The following LRP6 variants were observed in gnomAD, a reference collection of about 807,000 sequenced individuals.
LRP6 encodes the protein LDL receptor related protein 6, also known as low-density lipoprotein receptor-related protein 6.
A neutral mutation model predicts 184.1 loss-of-function variants in LRP6; 43 were observed. The observed-to-expected ratio is 0.23, with a 90% CI of 0.18 to 0.30. The LOEUF is 0.30. Ranked by LOEUF, LRP6 falls within the 10% of genes least tolerant of loss-of-function variation. The pLI, the probability that LRP6 is intolerant of heterozygous loss-of-function variation, is 1.00. For synonymous variants in LRP6, 719 were observed against 684.9 expected (o/e 1.05, Z -0.78); for missense variants, 1,571 against 2,005.3 (o/e 0.78, Z 4.14).
chr12:12,138,026 C>G (rs182504990), intron 16 of LRP6, among the ~76,000 whole-genome samples: 137 of 151,648 alleles, frequency 9.0e-4, no homozygotes, highest in Middle Eastern at 3.4e-3. Flanking sequence ...AAAAAATTAG[C>G]GAGGCATGGT....
chr12:12,175,925 T>C (rs886785062), intron 7 of LRP6, among the ~76,000 whole-genome samples: 2 of 151,682 alleles, frequency 1.3e-5, no homozygotes, highest in Non-Finnish European at 2.9e-5. Context: ...ATGGCAAAAA[T>C]GCTTTAAACC....
chr12:12,170,953 G>A (rs1863020279), intron 7 of LRP6, among the ~76,000 whole-genome samples: 1 of 151,932 alleles, frequency 6.6e-6, no homozygotes, highest in African/African-American at 2.4e-5. Context: ...ATTTATTTTA[G>A]GCTATGTCAA....
chr12:12,263,543 TC>T (rs1273872078), intron 1 of LRP6, among the ~76,000 whole-genome samples: 1 of 88,904 alleles, frequency 1.1e-5, no homozygotes, highest in Non-Finnish European at 2.2e-5. Flanking sequence ...AGAGCAAGAA[TC>T]CGTCTCAAAA....
chr12:12,169,926 G>T (rs1440614081), intron 7 of LRP6, among the ~76,000 whole-genome samples: 1 of 152,106 alleles, frequency 6.6e-6, no homozygotes, highest in African/African-American at 2.4e-5. Context: ...ATCTGGTGTA[G>T]TTTTTACAAT....
chr12:12,180,078 T>C (rs934779007), intron 6 of LRP6, 97 bp from the exon 7 acceptor site: 1 of 959,094 alleles, frequency 1.0e-6, no homozygotes, highest in African/African-American at 1.6e-5. Context: ...TACACTGGTA[T>C]CATCAGTTAA....
intron 15 of LRP6, among the ~76,000 whole-genome samples, chr12:12,140,383 G>A (rs1949911749): frequency 1.3e-5 from 2 of 151,576 alleles, no homozygotes; most frequent in South Asian, 2.1e-4. Flanking sequence ...ACAAAGAGAT[G>A]GATAATAGGT....
In LRP6 at chr12:12,240,262, C is replaced by T. The variant is rs558511504; in HGVS notation, c.449+4000G>A. ...GCCTAAATGTAACTGGCTACATTTT[C>T]CACTTTCCATACAAAAAGAATCTTT... On this transcript the variant is annotated intron_variant, in intron 2 of 22. Coordinates refer to ENST00000261349, the MANE Select transcript of LRP6 (RefSeq NM_002336.3). Among the ~76,000 whole-genome samples the T allele has an allele frequency of 9.2e-5, 14 of 152,276 alleles. No homozygotes were observed. In the South Asian group the frequency reaches 2.9e-3, roughly 32 times the overall value.
chr12:12,183,907 G>C, intron 5 of LRP6, 73 bp downstream of exon 5: 1 of 1,411,096 alleles, frequency 7.1e-7, no homozygotes, highest in East Asian at 2.3e-5. Context: ...CTAGAGAGCT[G>C]ATTATAGAGA....
At chr12:12,252,532 G>C (rs1009627467) in intron 1 of LRP6, among the ~76,000 whole-genome samples, 1 of 152,154 alleles carries the variant, frequency 6.6e-6, no homozygotes, top group South Asian at 2.1e-4. Context: ...AAGGTATAAA[G>C]CTCCTAGAAA....
chr12:12,252,272 A>T (rs118070442), intron 1 of LRP6, among the ~76,000 whole-genome samples: 1 of 152,222 alleles, frequency 6.6e-6, no homozygotes, highest in African/African-American at 2.4e-5. Context: ...ATTTAATCAA[A>T]TGTTCAAACC....
chr12:12,250,411 T>G (rs1027130341), intron 1 of LRP6, among the ~76,000 whole-genome samples: 1 of 152,074 alleles, frequency 6.6e-6, no homozygotes, highest in African/African-American at 2.4e-5. Context: ...CCTTACCTAC[T>G]CTGTAACCCT....
chr12:12,151,118 T>A (rs1950075424), intron 12 of LRP6, 80 bp from the exon 13 acceptor site: 9 of 1,229,596 alleles, frequency 7.3e-6, no homozygotes, highest in Admixed American at 3.9e-5. Context: ...CAGCCTGTTG[T>A]ATGTATTTCA....
intron 2 of LRP6, among the ~76,000 whole-genome samples, chr12:12,219,523 T>A (rs949652000): frequency 2.0e-5 from 3 of 152,206 alleles, no homozygotes; most frequent in Middle Eastern, 3.4e-3. Context: ...CGCTTTTGTA[T>A]CTACCATTGC....
At position 12,124,663 on chromosome 12, in the gene LRP6, C is replaced by T. The variant is rs1301647072; in HGVS notation, c.4450-1G>A. The T allele has an allele frequency of 6.3e-7, 1 of 1,581,804 alleles. No homozygotes were observed. Among genetic ancestry groups the T allele is most frequent in the East Asian group, 2.2e-5 (1 of 44,680 alleles). On this transcript the variant is annotated splice_acceptor_variant, in intron 21 of 22. Coordinates refer to ENST00000261349, the MANE Select transcript of LRP6 (RefSeq NM_002336.3). LOFTEE classifies it high-confidence loss of function. Reference sequence around the variant, plus strand: ...CTGGGGATGGTGGAGGGTTCAAAATCTAAAAGAAAAAAATAATTAAAATAT... The same window carrying T: ...CTGGGGATGGTGGAGGGTTCAAAATTTAAAAGAAAAAAATAATTAAAATAT...
At chr12:12,253,965 G>T (rs778449259) in intron 1 of LRP6, among the ~76,000 whole-genome samples, 3 of 151,708 alleles carry the variant, frequency 2.0e-5, no homozygotes, top group Non-Finnish European at 4.4e-5. Flanking sequence ...GCAACTTGGC[G>T]AAACCCCTTC....
chr12:12,191,099 G>T (rs571938526), intron 3 of LRP6, among the ~76,000 whole-genome samples: 2 of 152,350 alleles, frequency 1.3e-5, no homozygotes, highest in Admixed American at 1.3e-4. Flanking sequence ...GGAAAGCTTA[G>T]TAGACCAATC....
chr12:12,136,934 A>G (rs1001299206), intron 16 of LRP6, among the ~76,000 whole-genome samples: 13 of 152,236 alleles, frequency 8.5e-5, no homozygotes, highest in African/African-American at 3.1e-4. Context: ...GATTTTCTGT[A>G]ATAAAATATT....
chr12:12,258,829 G>A (rs1025885289), intron 1 of LRP6, among the ~76,000 whole-genome samples: 1 of 152,170 alleles, frequency 6.6e-6, no homozygotes, highest in Non-Finnish European at 1.5e-5. Context: ...CCTATCCCTT[G>A]CAGTCCTTTA....
chr12:12,175,746 A>G (rs984123480), intron 7 of LRP6, among the ~76,000 whole-genome samples: 1 of 150,432 alleles, frequency 6.6e-6, no homozygotes, highest in Middle Eastern at 3.2e-3. Flanking sequence ...AAATAAATAG[A>G]AAAAGAAAAA....
Sources: allele counts gnomAD v4.1 joint callset (sites outside exome capture counted in the v4.1 genomes callset), GRCh38; gene constraint gnomAD v4.1.1; transcripts MANE v1.5; gene names NCBI Gene and HGNC (gene_info 2026-07-23, HGNC 2026-07-21).